Variants in LAD1 observed in about 807,000 individuals in gnomAD.
LAD1 encodes ladinin 1.
In LAD1, 53 loss-of-function variants were observed where a neutral mutation model predicts 54.2. The ratio of observed to expected loss-of-function variants is 0.98; its 90% confidence interval spans 0.78 to 1.23. LAD1 has a LOEUF of 1.23. Among genes scored for constraint, LAD1 ranks in the 50% most tolerant of loss-of-function variants. The pLI is 0.00. For missense variants in LAD1, 637 were observed against 653.3 expected (o/e 0.98, Z 0.27); for synonymous variants, 231 against 257.7 (o/e 0.90, Z 0.99).
intron 1 of LAD1, among the ~76,000 whole-genome samples, chr1:201,389,839 A>T (rs1662167586): frequency 6.6e-6 from 1 of 152,126 alleles, no homozygotes. Flanking sequence ...AAAGAAAAAA[A>T]TTGTGTATAT....
At chr1:201,393,633 C>T (rs1662234168) in intron 1 of LAD1, among the ~76,000 whole-genome samples, 1 of 151,752 alleles carries the variant, frequency 6.6e-6, no homozygotes, top group Non-Finnish European at 1.5e-5. Flanking sequence ...ATAATCCCAG[C>T]CACTTGGGAG....
rs1399532830 is a variant in LAD1 at position 201,383,208 on chromosome 1, A to G, written c.1252T>C (p.Ser418Pro). The G allele has an allele frequency of 6.2e-7, 1 of 1,613,768 alleles. No homozygotes were observed. ...AGACCCCGAGACTTGACAGATTCTG[A>G]TCTCTGGGAACCAAGAACACCAACA... ...LERYHTAIRR[S>P]ESVKSRGLPC... Residue 418 changes from serine to proline, a missense_variant, in exon 7 of 10, where the codon TCA becomes CCA. Ser to Pro is a moderately conservative substitution (Grantham distance 74). Coordinates refer to ENST00000391967, the MANE Select transcript of LAD1 (RefSeq NM_005558.4).
intron 1 of LAD1, among the ~76,000 whole-genome samples, chr1:201,396,257 G>T (rs1342915551): frequency 6.6e-6 from 1 of 151,910 alleles, no homozygotes; most frequent in African/African-American, 2.4e-5. Context: ...TTCATCTGGG[G>T]ACACATGTCC....
In LAD1 at chr1:201,381,851, G is replaced by A. The variant is rs554322529; in HGVS notation, c.*37C>T. The A allele has an allele frequency of 4.3e-6, 7 of 1,612,606 alleles. No homozygotes were observed. The Admixed American group carries it at 8.3e-5, about 19-fold the overall frequency. ...GGGCCTGGCATGAGGGAGGTCCCTTGAGACGAAGACTTGCAGGTCTGTCTT... is the reference window on the plus strand; with the variant it reads ...GGGCCTGGCATGAGGGAGGTCCCTTAAGACGAAGACTTGCAGGTCTGTCTT... On this transcript the variant is annotated 3_prime_UTR_variant, in exon 10 of 10. Transcript: ENST00000391967.
chr1:201,386,514 T>C lies in LAD1; in HGVS notation c.847A>G (p.Arg283Gly). The C allele has an allele frequency of 6.3e-7, 1 of 1,593,748 alleles. No homozygotes were observed. Among genetic ancestry groups the C allele is most frequent in the South Asian group, 1.2e-5 (1 of 86,956 alleles). The change falls in exon 3 of 10, where the codon AGG becomes GGG. Residue 283 changes from arginine to glycine, a missense_variant. Transcript: ENST00000391967. The part of the protein sequence containing the change: ...PTADAKPAPK[R>G]ATASEQPLAQ... ...AGGGGCTGCTCTGAGGCTGTGGCCCTCTTTGGGGCCGGCTTAGCATCTGCA... is the reference window on the plus strand; with the variant it reads ...AGGGGCTGCTCTGAGGCTGTGGCCCCCTTTGGGGCCGGCTTAGCATCTGCA...
At chr1:201,398,748 C>G (rs1662344954) in intron 1 of LAD1, among the ~76,000 whole-genome samples, 2 of 152,320 alleles carry the variant, frequency 1.3e-5, no homozygotes, top group Admixed American at 6.5e-5. Context: ...AAATGCCATG[C>G]TGAGATTCTG....
chr1:201,391,867 G>T (rs1392159677), intron 1 of LAD1, among the ~76,000 whole-genome samples: 1 of 152,322 alleles, frequency 6.6e-6, no homozygotes, highest in East Asian at 1.9e-4. Context: ...AAGTCAGCTG[G>T]GGGAGCCCTT....
In LAD1 at chr1:201,386,381, G is replaced by A. The variant is rs538731018; in HGVS notation, c.980C>T (p.Ser327Leu). Residue 327 changes from serine to leucine, a missense_variant, in exon 3 of 10, where the codon TCA (serine) becomes TTA (leucine). By Grantham distance (145) the Ser-to-Leu change is moderately radical (BLOSUM62 -2). Transcript: ENST00000391967. Reference protein sequence around the residue: ...NLPSLAKQGASDPPTVASRLP... With the variant: ...NLPSLAKQGALDPPTVASRLP... Reference sequence around the variant, plus strand: ...GCGGGAGGCCACAGTCGGAGGGTCTGAAGCCCCCTGCTTTGCCAAAGAGGG... The same window carrying A: ...GCGGGAGGCCACAGTCGGAGGGTCTAAAGCCCCCTGCTTTGCCAAAGAGGG... 6 of 1,515,666 alleles carry A rather than the reference G, an allele frequency of 4.0e-6. 1 individual carries two copies. In the South Asian group the frequency reaches 8.2e-5, roughly 21 times the overall value. 93.9% of individuals were successfully genotyped at this position (1,515,666 alleles called of 1,614,324 possible).
intron 1 of LAD1, among the ~76,000 whole-genome samples, chr1:201,390,790 T>TG (rs907832094): frequency 6.6e-6 from 1 of 152,098 alleles, no homozygotes; most frequent in Non-Finnish European, 1.5e-5. Context: ...AAATGTCTCC[T>TG]GGGGGGCAAA....
In LAD1 at chr1:201,380,844, T is replaced by C. The variant is rs950440589; in HGVS notation, c.*1044A>G. The C allele has an allele frequency of 2.0e-5, 3 of 152,240 alleles. No individual in the cohort carries two copies. Among genetic ancestry groups the C allele is most frequent in the Admixed American group, 6.5e-5 (1 of 15,292 alleles). 9.4% of individuals were successfully genotyped at this position (152,240 alleles called of 1,614,324 possible). A position where few individuals can be genotyped will look rare whatever the true frequency, so the allele number is the denominator to read the frequency against. On this transcript the variant is annotated 3_prime_UTR_variant, in exon 10 of 10. Transcript: ENST00000391967. ...AGTCAATCAAGATGGAGAGTTCTAA[T>C]GATTTAAATTTTTGAAAAGTTGTAA...
chr1:201,386,406 G>T lies in LAD1; in HGVS notation c.955C>A (p.Pro319Thr), dbSNP rs900252431. 1.3e-6 allele frequency: 2 copies of T among 1,525,546 alleles called. No homozygotes were observed. Among genetic ancestry groups the T allele is most frequent in the Non-Finnish European group, 8.8e-7 (1 of 1,141,530 alleles). The allele number at this position is 1,525,546 out of a possible 1,614,324, so 94.5% of individuals were successfully genotyped here. A position where few individuals can be genotyped will look rare whatever the true frequency, so the allele number is the denominator to read the frequency against. ...RGRALPGKNL[P>T]SLAKQGASDP... ...GAAGCCCCCTGCTTTGCCAAAGAGG[G>T]CAGGTTCTTCCCAGGGAGGGCCCTT... The change falls in exon 3 of 10, where the codon CCC becomes ACC. Residue 319 changes from proline to threonine, a missense_variant. Physicochemically the swap from Pro to Thr is conservative, Grantham distance 38. Transcript: ENST00000391967.
At chr1:201,388,424 C>T (rs1662136746) in intron 2 of LAD1, among the ~76,000 whole-genome samples, 1 of 149,992 alleles carries the variant, frequency 6.7e-6, no homozygotes, top group Non-Finnish European at 1.5e-5. Flanking sequence ...GTGGCTCATG[C>T]CTGTATTCCC....
chr1:201,384,759 A>C (rs1331278751), intron 5 of LAD1, 33 bp downstream of exon 5: 6 of 1,612,118 alleles, frequency 3.7e-6, no homozygotes, highest in Non-Finnish European at 5.1e-6. Flanking sequence ...AACATGGCCA[A>C]ATAGAAAGAA....
intron 8 of LAD1, 109 bp from the exon 9 acceptor site, chr1:201,382,435 G>C: frequency 2.1e-6 from 2 of 968,652 alleles, no homozygotes; most frequent in Non-Finnish European, 3.3e-6. Flanking sequence ...CTTCCCAAAA[G>C]AGAAAAGGAA....
At chr1:201,382,095 C>T (rs556858067) in intron 9 of LAD1, among the ~76,000 whole-genome samples, 157 bp downstream of exon 9, 11 of 152,316 alleles carry the variant, frequency 7.2e-5, no homozygotes, top group South Asian at 2.1e-4. Flanking sequence ...CTTGTTCTCA[C>T]GGTTGGCTCA....
chr1:201,382,616 G>C lies in LAD1; in HGVS notation c.1473+37C>G, dbSNP rs766017468. On this transcript the variant is annotated intron_variant, in intron 8 of 9. Transcript: ENST00000391967. ...TGTCCCCAGTCATCCCACCACAAAG[G>C]CTCCACAGTAAGAGACATCAGGGAG... The C allele has an allele frequency of 1.3e-5, 20 of 1,505,662 alleles. No homozygotes were observed. The East Asian group carries it at 1.6e-4, about 12-fold the overall frequency. 93.3% of individuals were successfully genotyped at this position (1,505,662 alleles called of 1,614,324 possible).
At chr1:201,390,109 G>T (rs557782306) in intron 1 of LAD1, among the ~76,000 whole-genome samples, 3 of 151,814 alleles carry the variant, frequency 2.0e-5, no homozygotes, top group Admixed American at 2.0e-4. Flanking sequence ...TTGTAGAAAT[G>T]AGGTCTCACA....
In LAD1 at chr1:201,399,260, G is replaced by T; in HGVS notation, c.38+9C>A. 1.3e-6 allele frequency: 2 copies of T among 1,547,654 alleles called. No individual in the cohort carries two copies. Among genetic ancestry groups the T allele is most frequent in the Non-Finnish European group, 1.7e-6 (2 of 1,151,632 alleles). On this transcript the variant is annotated intron_variant, in intron 1 of 9. Coordinates refer to ENST00000391967, the MANE Select transcript of LAD1 (RefSeq NM_005558.4). ...CCCCCCGCCCCTCCCGGCTCCCTCC[G>T]GCGCTCACCTGGACAGCGCGGACCA...
intron 1 of LAD1, among the ~76,000 whole-genome samples, chr1:201,393,475 G>A (rs1466589695): frequency 1.3e-5 from 2 of 152,218 alleles, no homozygotes; most frequent in African/African-American, 4.8e-5. Flanking sequence ...GCTGGGCACA[G>A]TGGCTCATGC....
Sources: gnomAD v4.1 joint callset for allele counts (sites outside exome capture counted in the v4.1 genomes callset) on GRCh38, gnomAD v4.1.1 for gene constraint, MANE v1.5 for transcripts, NCBI Gene and HGNC (gene_info 2026-07-23, HGNC 2026-07-21) for gene names.